MYO1D: variants seen among roughly 807,000 people sequenced by gnomAD.
MYO1D encodes myosin ID, also known as unconventional myosin-Id.
In MYO1D, 83 loss-of-function variants were observed where a neutral mutation model predicts 122.0. The observed-to-expected ratio is 0.68, with a 90% CI of 0.57 to 0.82. The LOEUF is 0.82. MYO1D is among the 40% of genes least tolerant of loss of function. The pLI is 0.00. For synonymous variants in MYO1D, 464 were observed against 446.9 expected, an observed-to-expected ratio of 1.04 and a Z score of -0.48; for missense variants, 1,157 against 1,269.5, an observed-to-expected ratio of 0.91 and a Z score of 1.35.
rs530711818 is a variant in MYO1D, at chr17:32,819,497, C to A, written c.96-38713G>T. Reference sequence around the variant, plus strand: ...CTCTGACTTGCTGTGGCCTCCTCTCCATCATTCTCTGCATCAGGTGCTTTC... The same window carrying A: ...CTCTGACTTGCTGTGGCCTCCTCTCAATCATTCTCTGCATCAGGTGCTTTC... On this transcript the variant is annotated intron_variant, in intron 1 of 21. Transcript: ENST00000318217. 1.8e-3 allele frequency among the ~76,000 whole-genome samples: 274 copies of A among 152,280 alleles called. 1 individual carries two copies. Among genetic ancestry groups the A allele is most frequent in the Non-Finnish European group, 1.6e-3 (109 of 68,022 alleles).
intron 8 of MYO1D, among the ~76,000 whole-genome samples, chr17:32,764,226 A>C (rs1031027269): frequency 6.6e-6 from 1 of 152,214 alleles, no homozygotes; most frequent in Non-Finnish European, 1.5e-5. Context: ...AGTCAAACTC[A>C]TAGAAGCAGA....
At chr17:32,808,276 G>A (rs1476824027) in intron 1 of MYO1D, among the ~76,000 whole-genome samples, 1 of 151,830 alleles carries the variant, frequency 6.6e-6, no homozygotes, top group Non-Finnish European at 1.5e-5. Context: ...TCAGGGGGCT[G>A]AGGCAGGAGG....
intron 1 of MYO1D, among the ~76,000 whole-genome samples, chr17:32,833,203 AT>A (rs1244886607): frequency 6.6e-6 from 1 of 152,136 alleles, no homozygotes. Flanking sequence ...GCTATACCCC[AT>A]GTCTCATCTG....
At chr17:32,514,561 T>G (rs1210444181) in intron 21 of MYO1D, among the ~76,000 whole-genome samples, 1 of 152,204 alleles carries the variant, frequency 6.6e-6, no homozygotes, top group Admixed American at 6.5e-5. Flanking sequence ...AATCCTTGCT[T>G]TGCAAATAGC....
Position 32,778,533 on chromosome 17 carries a change from A to C in MYO1D, c.345T>G (p.Ile115Met). 6.2e-7 allele frequency: 1 copy of C among 1,614,064 alleles called. No homozygotes were observed. Among genetic ancestry groups the C allele is most frequent in the South Asian group, 1.1e-5 (1 of 91,072 alleles). ...TGGTGATGGCCGCAATATACTGCAT[A>C]ATGTACTTACTGGCTTCCGTTTTAC... is the stretch of plus-strand genomic sequence containing the variant. ...GAGKTEASKY[I>M]MQYIAAITNP... Residue 115 changes from isoleucine to methionine, a missense_variant, in exon 3 of 22, where the codon ATT becomes ATG. Ile to Met is a conservative substitution (Grantham distance 10). Transcript: ENST00000318217.
chr17:32,866,783 T>C (rs2091129115), intron 1 of MYO1D, among the ~76,000 whole-genome samples: 1 of 152,086 alleles, frequency 6.6e-6, no homozygotes, highest in African/African-American at 2.4e-5. Flanking sequence ...CACGCATGCT[T>C]AAAGTGAGTG....
chr17:32,659,344 C>T lies in MYO1D; in HGVS notation c.2122-6G>A. 1.9e-6 allele frequency: 3 copies of T among 1,613,568 alleles called. No individual in the cohort carries two copies. The highest frequency in any genetic ancestry group is 1.7e-6 in the Non-Finnish European group (2 of 1,179,734). ...GCCAGGGTGCCCCGCCACACCTTCA[C>T]AATAGAGAAAGAAAAAGGAAAACGT... On this transcript the variant is annotated splice_region_variant and splice_polypyrimidine_tract_variant and intron_variant, in intron 16 of 21. Coordinates refer to ENST00000318217, the MANE Select transcript of MYO1D (RefSeq NM_015194.3).
chr17:32,733,169 C>T (rs148881232), intron 14 of MYO1D, among the ~76,000 whole-genome samples: 31 of 152,216 alleles, frequency 2.0e-4, no homozygotes, highest in Admixed American at 7.2e-4. Context: ...GTGCAGCCTG[C>T]GAGGCTGAGT....
intron 12 of MYO1D, 32 bp from the exon 13 acceptor site, chr17:32,745,317 C>A (rs754592561): frequency 7.2e-7 from 1 of 1,386,088 alleles, no homozygotes; most frequent in South Asian, 1.2e-5. Flanking sequence ...AAACATGTAT[C>A]ATTTACCAAG....
chr17:32,498,606 G>C (rs967692008), intron 21 of MYO1D: 93 of 152,328 alleles, frequency 6.1e-4, no homozygotes, highest in African/African-American at 2.1e-3. Flanking sequence ...GAAGCCGCCT[G>C]CCCTCGTGGA....
At chr17:32,740,968 TACACAGACACACACAG>T (rs1445571062) in intron 13 of MYO1D, among the ~76,000 whole-genome samples, 8 of 152,072 alleles carry the variant, frequency 5.3e-5, no homozygotes, top group South Asian at 2.1e-4. Flanking sequence ...TCCCTTCATT[TACACAGACACACACAG>T]ACACAGACAC....
chr17:32,807,906 C>G (rs890542275), intron 1 of MYO1D, among the ~76,000 whole-genome samples: 2 of 152,066 alleles, frequency 1.3e-5, no homozygotes, highest in African/African-American at 4.8e-5. Flanking sequence ...ATTTGCATAC[C>G]TCATTTTCCT....
intron 1 of MYO1D, among the ~76,000 whole-genome samples, chr17:32,817,724 G>A (rs1036517367): frequency 1.3e-5 from 2 of 152,186 alleles, no homozygotes; most frequent in African/African-American, 2.4e-5. Context: ...GCCAGGCACT[G>A]AGCTAAGTGG....
intron 11 of MYO1D, among the ~76,000 whole-genome samples, chr17:32,754,002 GGATTT>G (rs1212185215): frequency 6.6e-6 from 1 of 151,922 alleles, no homozygotes. Flanking sequence ...AAAATGAGGT[GGATTT>G]GATTTCTCAT....
chr17:32,840,651 T>G (rs994100839), intron 1 of MYO1D, among the ~76,000 whole-genome samples: 1 of 152,194 alleles, frequency 6.6e-6, no homozygotes, highest in Non-Finnish European at 1.5e-5. Flanking sequence ...TTTCTACTCT[T>G]CAACCCTCAG....
chr17:32,722,400 GC>G (rs1278396363), intron 14 of MYO1D, among the ~76,000 whole-genome samples: 2 of 152,198 alleles, frequency 1.3e-5, no homozygotes, highest in Non-Finnish European at 2.9e-5. Context: ...GTTTTTGGGA[GC>G]TCCAGAAGAA....
Position 32,738,252 on chromosome 17 carries a change from C to T in MYO1D, c.1746+1G>A. 6.3e-7 allele frequency: 1 copy of T among 1,586,960 alleles called. No individual in the cohort carries two copies. The highest frequency in any genetic ancestry group is 8.6e-7 in the Non-Finnish European group (1 of 1,168,098). On this transcript the variant is annotated splice_donor_variant, in intron 14 of 21. Transcript: ENST00000318217. LOFTEE classifies it high-confidence loss of function. Reference sequence around the variant, plus strand: ...GGATATTTAGAAAAGAAAATAATTACCTTTGATGCAAGGTTGTCTACTAGA... The same window carrying T: ...GGATATTTAGAAAAGAAAATAATTATCTTTGATGCAAGGTTGTCTACTAGA...
intron 1 of MYO1D, among the ~76,000 whole-genome samples, chr17:32,873,107 A>G (rs1343018401): frequency 1.3e-5 from 2 of 152,242 alleles, no homozygotes; most frequent in Admixed American, 1.3e-4. Flanking sequence ...GATTAATAGC[A>G]AAACAAGAAG....
chr17:32,667,427 A>G (rs1166313090), intron 16 of MYO1D, among the ~76,000 whole-genome samples: 1 of 152,236 alleles, frequency 6.6e-6, no homozygotes, highest in Non-Finnish European at 1.5e-5. Flanking sequence ...AGTGAATATA[A>G]TTTATAGGCT....
Sources: gnomAD v4.1 joint callset for allele counts (sites outside exome capture counted in the v4.1 genomes callset) on GRCh38, gnomAD v4.1.1 for gene constraint, MANE v1.5 for transcripts, NCBI Gene and HGNC (gene_info 2026-07-23, HGNC 2026-07-21) for gene names.